The following COL4A5 variants were observed in gnomAD, a reference collection of about 807,000 sequenced individuals.
The protein encoded by COL4A5 is collagen type IV alpha 5 chain, also known as collagen alpha-5(IV) chain.
Under a neutral mutation model 130.2 loss-of-function variants are expected in COL4A5, and 26 were observed. The observed-to-expected ratio is 0.20, with a 90% CI of 0.15 to 0.28. COL4A5 has a LOEUF of 0.28. Ranked by LOEUF, COL4A5 falls within the 10% of genes least tolerant of loss-of-function variation. The pLI, the probability that COL4A5 is intolerant of heterozygous loss-of-function variation, is 1.00. For missense variants in COL4A5, 1,131 were observed against 1,344.3 expected (o/e 0.84, Z 2.48); for synonymous variants, 496 against 439.6 (o/e 1.13, Z -1.60).
At chrX:108,544,494 T>C (rs961777909) in intron 2 of COL4A5, among the ~76,000 whole-genome samples, 2 of 111,969 alleles carry the variant, frequency 1.8e-5, no homozygotes, top group African/African-American at 6.5e-5. Flanking sequence ...TTTGATGTGC[T>C]CTTGGATTCA....
At chrX:108,574,973 G>T (rs1452807564) in intron 9 of COL4A5, among the ~76,000 whole-genome samples, 1 of 110,653 alleles carries the variant, frequency 9.0e-6, no homozygotes, top group Non-Finnish European at 1.9e-5. Context: ...AATTTTCGTG[G>T]AGACAAGTTC....
rs1340662346 is a variant in COL4A5 at position 108,601,835 on chromosome X, G to A, written c.2042-50G>A. The A allele has an allele frequency of 3.9e-6, 3 of 775,287 alleles. No homozygotes were observed. The African/African-American group carries it at 6.3e-5, about 16-fold the overall frequency. 63.9% of individuals were successfully genotyped at this position (775,287 alleles called of 1,213,427 possible). A position where few individuals can be genotyped will look rare whatever the true frequency, so the allele number is the denominator to read the frequency against. ...GTGAGCCACTGCACCTGGCCCTGAT[G>A]GCTTCTTTCTTTGAACGTTTTCCTT... On this transcript the variant is annotated intron_variant, in intron 26 of 52. Transcript: ENST00000328300.
At chrX:108,595,399 C>T in intron 21 of COL4A5, 110 bp from the exon 22 acceptor site, 1 of 645,191 alleles carries the variant, frequency 1.5e-6, no homozygotes, top group Non-Finnish European at 2.6e-6. Flanking sequence ...TCTCCAATCA[C>T]ACCATTAAGT....
chrX:108,639,535 G>C (rs148737495), intron 36 of COL4A5, among the ~76,000 whole-genome samples: 1,120 of 111,019 alleles, frequency 0.01, 9 homozygotes, highest in Middle Eastern at 0.023. Context: ...AGATTAATTG[G>C]ACAACATCAA....
intron 49 of COL4A5, chrX:108,689,232 ATTAAT>A (rs1443544248): frequency 6.9e-6 from 2 of 291,555 alleles, no homozygotes; most frequent in Non-Finnish European, 9.2e-6. Context: ...TATCTAAATA[ATTAAT>A]TTAATTTAAT....
chrX:108,490,198 C>A (rs1432297857), intron 1 of COL4A5, among the ~76,000 whole-genome samples: 1 of 111,981 alleles, frequency 8.9e-6, no homozygotes, highest in Non-Finnish European at 1.9e-5. Flanking sequence ...GTTTCCACCA[C>A]CACAGTTAAA....
chrX:108,440,387 C>G (rs1235717487), intron 1 of COL4A5, 181 bp downstream of exon 1: 1 of 446,427 alleles, frequency 2.2e-6, no homozygotes, highest in African/African-American at 2.4e-5. Context: ...TTCTGAAGTC[C>G]AACGGAGAGG....
intron 22 of COL4A5, among the ~76,000 whole-genome samples, chrX:108,595,917 A>G (rs1416981462): frequency 8.9e-6 from 1 of 112,083 alleles, no homozygotes; most frequent in Non-Finnish European, 1.9e-5. Flanking sequence ...AGAAAAGTTC[A>G]TAATGCCTAG....
chrX:108,696,208 C>A (rs893442650), intron 52 of COL4A5, 89 bp from the exon 53 acceptor site: 18 of 771,350 alleles, frequency 2.3e-5, no homozygotes, highest in Middle Eastern at 5.9e-4. Context: ...ACTTAACACA[C>A]AAAAAATGTT....
chrX:108,645,213 T>G (rs1161907056), intron 36 of COL4A5, among the ~76,000 whole-genome samples: 6 of 108,987 alleles, frequency 5.5e-5, no homozygotes, highest in Non-Finnish European at 9.5e-5. Flanking sequence ...AGAAAGGAAG[T>G]CACCAAGATC....
rs1160339985 is a variant in COL4A5, at chrX:108,692,942, G to A, written c.4706+17G>A. ...CATTAGTCGGTAAGGCATTGATTTA[G>A]CTGTGACTTTTACCAATCCCCAGTT... On this transcript the variant is annotated intron_variant, in intron 50 of 52. Transcript: ENST00000328300. 1 of 1,208,083 alleles carries A rather than the reference G, an allele frequency of 8.3e-7. No individual in the cohort carries two copies. The highest frequency in any genetic ancestry group is 1.1e-6 in the Non-Finnish European group (1 of 893,928).
chrX:108,498,334 AT>A (rs2065051411), intron 1 of COL4A5, among the ~76,000 whole-genome samples: 1 of 111,376 alleles, frequency 9.0e-6, no homozygotes, highest in African/African-American at 3.3e-5. Flanking sequence ...TGGACTCTCC[AT>A]TTTGTTTGTT....
intron 36 of COL4A5, among the ~76,000 whole-genome samples, chrX:108,641,918 G>C (rs1050382628): frequency 8.9e-6 from 1 of 111,984 alleles, no homozygotes; most frequent in African/African-American, 3.2e-5. Flanking sequence ...CATGAATCCA[G>C]TGTGCAGACT....
chrX:108,621,311 C>T (rs1321799861), intron 31 of COL4A5, among the ~76,000 whole-genome samples: 2 of 108,759 alleles, frequency 1.8e-5, no homozygotes, highest in South Asian at 8.1e-4. Context: ...GCACATACCA[C>T]CACACACAGC....
chrX:108,524,578 A>C (rs752236338), intron 1 of COL4A5, among the ~76,000 whole-genome samples: 1 of 110,063 alleles, frequency 9.1e-6, no homozygotes, highest in South Asian at 4.0e-4. Context: ...CTGATGTTTT[A>C]CATTGAAATG....
intron 1 of COL4A5, among the ~76,000 whole-genome samples, chrX:108,538,614 G>T (rs1056396724): frequency 3.6e-5 from 4 of 111,495 alleles, no homozygotes; most frequent in African/African-American, 1.3e-4. Flanking sequence ...ATGTTGAGCA[G>T]CAGGCTAAGG....
intron 10 of COL4A5, among the ~76,000 whole-genome samples, chrX:108,577,050 T>G (rs958045972): frequency 9.0e-6 from 1 of 110,982 alleles, no homozygotes; most frequent in Non-Finnish European, 1.9e-5. Flanking sequence ...TTAACGCTAA[T>G]TCAACAGGTG....
At chrX:108,458,084 A>G (rs959647162) in intron 1 of COL4A5, among the ~76,000 whole-genome samples, 4 of 112,220 alleles carry the variant, frequency 3.6e-5, no homozygotes, top group Non-Finnish European at 7.5e-5. Flanking sequence ...ATTTTGATAT[A>G]GTCCATTTTA....
chrX:108,667,443 G>C (rs1411960452), intron 40 of COL4A5, among the ~76,000 whole-genome samples: 3 of 111,105 alleles, frequency 2.7e-5, no homozygotes, highest in Non-Finnish European at 5.7e-5. Context: ...GAGGAAATAA[G>C]AAAGAAGGCA....
Sources: allele counts gnomAD v4.1 joint callset (sites outside exome capture counted in the v4.1 genomes callset), GRCh38; gene constraint gnomAD v4.1.1; transcripts MANE v1.5; gene names NCBI Gene and HGNC (gene_info 2026-07-23, HGNC 2026-07-21).